Variants in CTTNBP2 observed in about 807,000 individuals in gnomAD.
The protein encoded by CTTNBP2 is cortactin-binding protein 2.
CTTNBP2 carries 108 observed loss-of-function variants against 156.9 expected under a neutral mutation model. That is an observed-to-expected ratio of 0.69 (90% CI 0.59 to 0.81). The LOEUF (loss-of-function observed/expected upper bound fraction) is 0.81. Among genes scored for constraint, CTTNBP2 ranks in the 30% least tolerant of loss-of-function variants. CTTNBP2 has a pLI of 0.00. For missense variants in CTTNBP2, 1,924 were observed against 2,035.4 expected (o/e 0.95, Z 1.05); for synonymous variants, 767 against 751.8 (o/e 1.02, Z -0.33).
chr7:117,726,732 G>C (rs954605265), intron 17 of CTTNBP2, among the ~76,000 whole-genome samples: 1 of 152,158 alleles, frequency 6.6e-6, no homozygotes, highest in African/African-American at 2.4e-5. Context: ...GGATGGGAAG[G>C]GGGGAGTTCC....
intron 22 of CTTNBP2, among the ~76,000 whole-genome samples, chr7:117,712,691 C>A (rs893461588): frequency 6.6e-6 from 1 of 152,076 alleles, no homozygotes; most frequent in Non-Finnish European, 1.5e-5. Flanking sequence ...CTGGCAGTTG[C>A]GGCAGTTGCA....
At chr7:117,763,521 C>A (rs1373110635) in intron 9 of CTTNBP2, among the ~76,000 whole-genome samples, 13 of 151,120 alleles carry the variant, frequency 8.6e-5, no homozygotes, top group African/African-American at 2.9e-4. Context: ...TAACTTGAAT[C>A]CAATTACACC....
chr7:117,853,382 AATTTACATAATAAAGATGATGCT>A (rs1803055007), intron 2 of CTTNBP2, among the ~76,000 whole-genome samples: 1 of 152,204 alleles, frequency 6.6e-6, no homozygotes, highest in African/African-American at 2.4e-5. Context: ...AAAATTTAAA[AATTTACATAATAAAGATGATGCT>A]GCACACTGTA....
intron 19 of CTTNBP2, among the ~76,000 whole-genome samples, chr7:117,722,391 C>CTCA (rs1452872156): frequency 6.6e-6 from 1 of 151,922 alleles, no homozygotes; most frequent in Non-Finnish European, 1.5e-5. Context: ...CAACTACTGA[C>CTCA]TCATGAATTA....
chr7:117,871,901 C>G, intron 1 of CTTNBP2: 3 of 969,758 alleles, frequency 3.1e-6, no homozygotes, highest in Non-Finnish European at 3.7e-6. Flanking sequence ...TCGTCCTTCC[C>G]CTTCCCACCT....
At chr7:117,756,512 A>G (rs749349568) in intron 12 of CTTNBP2, 43 bp downstream of exon 12, 93 of 1,459,212 alleles carry the variant, frequency 6.4e-5, no homozygotes, top group Middle Eastern at 1.7e-4. Context: ...TTCCAGTGGC[A>G]GGGATGGAAA....
chr7:117,816,339 C>T (rs1320960652), intron 2 of CTTNBP2, among the ~76,000 whole-genome samples: 1 of 152,152 alleles, frequency 6.6e-6, no homozygotes, highest in Non-Finnish European at 1.5e-5. Context: ...TCTTTGCACC[C>T]CCTGAACTGT....
intron 16 of CTTNBP2, 50 bp from the exon 17 acceptor site, chr7:117,728,317 T>A: frequency 1.5e-6 from 2 of 1,354,568 alleles, no homozygotes; most frequent in Non-Finnish European, 2.0e-6. Context: ...GAACATTTTG[T>A]TTTTAGAAGC....
At chr7:117,713,535 C>T in intron 22 of CTTNBP2, among the ~76,000 whole-genome samples, 1 of 152,174 alleles carries the variant, frequency 6.6e-6, no homozygotes, top group East Asian at 1.9e-4. Context: ...TCTCTCCTCA[C>T]CAACCTAATC....
chr7:117,865,748 C>G (rs1031193331), intron 1 of CTTNBP2, among the ~76,000 whole-genome samples: 5 of 148,330 alleles, frequency 3.4e-5, no homozygotes, highest in African/African-American at 1.2e-4. Context: ...CTGCCTGTTA[C>G]ATTTGCCAGG....
At chr7:117,846,638 TGAA>T (rs1332873188) in intron 2 of CTTNBP2, among the ~76,000 whole-genome samples, 1 of 152,108 alleles carries the variant, frequency 6.6e-6, no homozygotes, top group Non-Finnish European at 1.5e-5. Context: ...AAAGGATTAA[TGAA>T]GAAACATTTG....
chr7:117,790,938 A>G (rs1441438474), intron 4 of CTTNBP2, among the ~76,000 whole-genome samples, 190 bp downstream of exon 4: 1 of 152,188 alleles, frequency 6.6e-6, no homozygotes, highest in Non-Finnish European at 1.5e-5. Context: ...CAATTCATAT[A>G]GCAAGATGAA....
chr7:117,843,594 A>C (rs113110316), intron 2 of CTTNBP2, among the ~76,000 whole-genome samples: 5 of 152,316 alleles, frequency 3.3e-5, no homozygotes, highest in African/African-American at 1.2e-4. Flanking sequence ...ATTCAGAAAC[A>C]TAAGAGAGGT....
At chr7:117,759,379 T>C (rs1275194917) in intron 10 of CTTNBP2, among the ~76,000 whole-genome samples, 1 of 152,176 alleles carries the variant, frequency 6.6e-6, no homozygotes, top group African/African-American at 2.4e-5. Context: ...CCCAAAGCAC[T>C]TGGATTATAG....
chr7:117,817,111 G>A (rs1584481122), intron 2 of CTTNBP2, among the ~76,000 whole-genome samples: 1 of 151,480 alleles, frequency 6.6e-6, no homozygotes, highest in East Asian at 2.0e-4. Context: ...GTCGAGATGG[G>A]CACATCACGA....
At position 117,757,891 on chromosome 7, in the gene CTTNBP2, G is replaced by A. The variant is rs144275448; in HGVS notation, c.3252C>T (p.Ile1084=). The change falls in exon 11 of 23, where the codon ATC becomes ATT. Residue 1084 remains isoleucine (I), a synonymous_variant. Transcript: ENST00000160373. ...CATCCTTACCTGACAAAAGCACAGT[G>A]ATGTGCTCTGCCTTATTCTTCCTCA... The part of the protein sequence containing the change: ...DFMRKNKAEH[I]TVLLSGPQEG... 192 of 1,610,236 alleles carry A rather than the reference G, an allele frequency of 1.2e-4. No individual in the cohort carries two copies. Among genetic ancestry groups the A allele is most frequent in the Non-Finnish European group, 1.5e-4 (179 of 1,177,632 alleles).
chr7:117,842,672 G>C (rs1231216123), intron 2 of CTTNBP2, among the ~76,000 whole-genome samples: 1 of 152,038 alleles, frequency 6.6e-6, no homozygotes, highest in Non-Finnish European at 1.5e-5. Flanking sequence ...AGAAAATAGA[G>C]ATAGAAAAAA....
In CTTNBP2 at chr7:117,777,782, CA is replaced by C. The variant is rs139726652; in HGVS notation, c.2524-18del. ...CCAGCCATCCTGAAAATAAAATGAC[CA>C]GGGGGAAAGGGTTGATAACAACATT... is the stretch of plus-strand genomic sequence containing the variant. On this transcript the variant is annotated intron_variant, in intron 7 of 22. Coordinates refer to ENST00000160373, the MANE Select transcript of CTTNBP2 (RefSeq NM_033427.3). 1.1e-3 allele frequency: 1,716 copies of C among 1,599,998 alleles called. 20 individuals are homozygous for C. The African/African-American group carries it at 0.019, about 18-fold the overall frequency.
intron 4 of CTTNBP2, among the ~76,000 whole-genome samples, chr7:117,785,033 C>A (rs1008291612): frequency 1.3e-5 from 2 of 152,076 alleles, no homozygotes; most frequent in African/African-American, 2.4e-5. Flanking sequence ...ATAATGGAGG[C>A]CAACTGCTAT....
Sources: allele counts gnomAD v4.1 joint callset (sites outside exome capture counted in the v4.1 genomes callset), GRCh38; gene constraint gnomAD v4.1.1; transcripts MANE v1.5; gene names NCBI Gene and HGNC (gene_info 2026-07-23, HGNC 2026-07-21).